RALGPS1: variants seen among roughly 807,000 people sequenced by gnomAD.
RALGPS1 encodes the protein ras-specific guanine nucleotide-releasing factor RalGPS1.
RALGPS1 carries 19 observed loss-of-function variants against 78.8 expected under a neutral mutation model. The ratio of observed to expected loss-of-function variants is 0.24; its 90% CI spans 0.17 to 0.35. The LOEUF (loss-of-function observed/expected upper bound fraction) is 0.35. Among genes scored for constraint, RALGPS1 ranks in the 10% least tolerant of loss-of-function variants. The probability of loss-of-function intolerance (pLI) is 1.00; values close to 1 mark genes in which losing one functional copy is unlikely to be tolerated. For synonymous variants in RALGPS1, 228 were observed against 256.3 expected (o/e 0.89, Z 1.06); for missense variants, 454 against 688.3 (o/e 0.66, Z 3.81).
At chr9:127,136,438 GGA>G (rs2057397241) in intron 8 of RALGPS1, among the ~76,000 whole-genome samples, 1 of 152,166 alleles carries the variant, frequency 6.6e-6, no homozygotes, top group Admixed American at 6.5e-5. Flanking sequence ...GACCCTGCTG[GGA>G]GCTCCCAGAG....
In RALGPS1 at chr9:127,122,805, C is replaced by G. The variant is rs985269183; in HGVS notation, c.611-43264C>G. On this transcript the variant is annotated intron_variant, in intron 8 of 18. Transcript: ENST00000259351. The surrounding 1 kb of genome is among the most constrained non-coding windows in gnomAD (Gnocchi z 6.4). ...CAGCCCCAGACAGAGGCGGGCCGCC[C>G]GGTGATGTCACACGAGCTCCGGCCC... The G allele has an allele frequency of 1.3e-5, 2 of 152,370 alleles. No homozygotes were observed. The highest frequency in any genetic ancestry group is 4.8e-5 in the African/African-American group (2 of 41,468). The allele number at this position is 152,370 out of a possible 1,614,324, so 9.4% of individuals were successfully genotyped here. A position where few individuals can be genotyped will look rare whatever the true frequency, so the allele number is the denominator to read the frequency against.
At chr9:127,160,124 G>A (rs974989131) in intron 8 of RALGPS1, among the ~76,000 whole-genome samples, 1 of 152,226 alleles carries the variant, frequency 6.6e-6, no homozygotes, top group African/African-American at 2.4e-5. Flanking sequence ...CTCTGGGCTT[G>A]TGGGAAGCCC....
At chr9:127,173,901 T>A (rs2059695770) in intron 10 of RALGPS1, among the ~76,000 whole-genome samples, 1 of 152,098 alleles carries the variant, frequency 6.6e-6, no homozygotes, top group South Asian at 2.1e-4. Flanking sequence ...TAATCCCACC[T>A]ACTTGGGAGG....
At chr9:126,987,112 A>G (rs1228367231) in intron 4 of RALGPS1, among the ~76,000 whole-genome samples, 5 of 152,118 alleles carry the variant, frequency 3.3e-5, no homozygotes, top group African/African-American at 9.7e-5. Context: ...AGAGGAGGTG[A>G]TACCTGTGTA....
chr9:127,049,169 T>C (rs1215026040), intron 5 of RALGPS1, among the ~76,000 whole-genome samples: 1 of 152,212 alleles, frequency 6.6e-6, no homozygotes. Context: ...GTGCTGTCAT[T>C]GCACTCTTGG....
chr9:127,179,325 G>A (rs1025171514), intron 11 of RALGPS1, among the ~76,000 whole-genome samples: 2 of 152,176 alleles, frequency 1.3e-5, no homozygotes, highest in Non-Finnish European at 2.9e-5. Context: ...TGCTGCTGCA[G>A]CTGTGGGGTG....
At chr9:126,931,491 A>G (rs769784582) in intron 1 of RALGPS1, among the ~76,000 whole-genome samples, 43 of 152,242 alleles carry the variant, frequency 2.8e-4, no homozygotes, top group Admixed American at 6.5e-5. Context: ...CCTTGAAAAC[A>G]TTCTGAGTGA....
At chr9:127,100,397 C>G (rs1358172815) in intron 8 of RALGPS1, among the ~76,000 whole-genome samples, 1 of 152,196 alleles carries the variant, frequency 6.6e-6, no homozygotes, top group African/African-American at 2.4e-5. Context: ...ACAGACATTG[C>G]AGCACTACTT....
chr9:126,962,612 G>T (rs2039006853), intron 2 of RALGPS1, among the ~76,000 whole-genome samples: 1 of 152,218 alleles, frequency 6.6e-6, no homozygotes, highest in African/African-American at 2.4e-5. Flanking sequence ...CCATTTTGGT[G>T]GCAAGAAGGG....
intron 8 of RALGPS1, among the ~76,000 whole-genome samples, chr9:127,073,557 A>G (rs1438682014): frequency 1.3e-5 from 2 of 152,050 alleles, no homozygotes; most frequent in African/African-American, 4.8e-5. Context: ...GGTAAGGTGA[A>G]TACTGCTGCA....
intron 18 of RALGPS1, chr9:127,216,898 AC>A: frequency 1.3e-6 from 2 of 1,538,144 alleles, no homozygotes; most frequent in Non-Finnish European, 1.8e-6. Flanking sequence ...CTCCCCTACC[AC>A]ACACAGGAAG....
chr9:127,045,161 T>C (rs2047643897), intron 5 of RALGPS1, among the ~76,000 whole-genome samples: 1 of 152,198 alleles, frequency 6.6e-6, no homozygotes, highest in African/African-American at 2.4e-5. Context: ...GTGAACTTTA[T>C]AGCACCAAGA....
At chr9:127,086,316 A>G (rs2136252705) in intron 8 of RALGPS1, among the ~76,000 whole-genome samples, 1 of 152,358 alleles carries the variant, frequency 6.6e-6, no homozygotes, top group East Asian at 1.9e-4. Flanking sequence ...GTTACTCTTC[A>G]ACAATATGGA....
intron 8 of RALGPS1, chr9:127,087,589 C>G (rs1589392345): frequency 6.6e-6 from 1 of 152,550 alleles, no homozygotes; most frequent in Non-Finnish European, 1.5e-5. Context: ...CTTGCCCCTT[C>G]TTGGCAATAG....
In RALGPS1 at chr9:127,212,705, A is replaced by G. The variant is rs767016076; in HGVS notation, c.1432A>G (p.Thr478Ala). ...LYYGAKSLRGTDRKHYKSTPG... is the reference protein window; with the variant it reads ...LYYGAKSLRGADRKHYKSTPG... ...CTACGGAGCCAAGTCCTTGCGGGGC[A>G]CAGACAGAAAACACGTAAGTCCCTT... The change falls in exon 16 of 19, where the codon ACA becomes GCA. Residue 478 changes from threonine to alanine, a missense_variant. Transcript: ENST00000259351. This position sits in a 1 kb window ranked among gnomAD's most constrained non-coding sequence, Gnocchi z 6.0. 6.2e-7 allele frequency: 1 copy of G among 1,612,306 alleles called. No homozygotes were observed. Among genetic ancestry groups the G allele is most frequent in the Non-Finnish European group, 8.5e-7 (1 of 1,178,460 alleles).
intron 4 of RALGPS1, among the ~76,000 whole-genome samples, chr9:126,988,634 A>G (rs2042014026): frequency 6.6e-6 from 1 of 152,176 alleles, no homozygotes; most frequent in Admixed American, 6.5e-5. Flanking sequence ...GTTCATTTCA[A>G]CTGAGACAGA....
At position 127,158,756 on chromosome 9, in the gene RALGPS1, C is replaced by A. The variant is rs548636665; in HGVS notation, c.611-7313C>A. 2.7e-5 allele frequency among the ~76,000 whole-genome samples: 4 copies of A among 146,510 alleles called. No homozygotes were observed. In the South Asian group the frequency reaches 8.8e-4, roughly 32 times the overall value. On this transcript the variant is annotated intron_variant, in intron 8 of 18. Coordinates refer to ENST00000259351, the MANE Select transcript of RALGPS1 (RefSeq NM_014636.3). ...TAATTATTAATATAAGCATTTGAGG[C>A]TGTGGACTTTTCTCTCGGTGGTTAC...
intron 8 of RALGPS1, among the ~76,000 whole-genome samples, chr9:127,111,266 A>T (rs2054783208): frequency 6.6e-6 from 1 of 151,598 alleles, no homozygotes; most frequent in South Asian, 2.1e-4. Context: ...TCTCAGTTAG[A>T]CCCTCCCTGC....
At chr9:127,105,039 G>A (rs2054085472) in intron 8 of RALGPS1, among the ~76,000 whole-genome samples, 1 of 152,110 alleles carries the variant, frequency 6.6e-6, no homozygotes, top group African/African-American at 2.4e-5. Context: ...CTCAACACCA[G>A]GAGAGGGCAG....
Sources: gnomAD v4.1 joint callset for allele counts (sites outside exome capture counted in the v4.1 genomes callset) on GRCh38, gnomAD v4.1.1 for gene constraint, Gnocchi (gnomAD v3.1) non-coding constraint, MANE v1.5 for transcripts, NCBI Gene and HGNC (gene_info 2026-07-23, HGNC 2026-07-21) for gene names.